SEC23B: variants seen among roughly 807,000 people sequenced by gnomAD.
SEC23B encodes protein transport protein Sec23B.
In SEC23B, 77 loss-of-function variants were observed where a neutral mutation model predicts 104.3. That is an observed-to-expected ratio of 0.74 (90% confidence interval 0.61 to 0.89). SEC23B has a LOEUF of 0.89. SEC23B is among the 40% of genes least tolerant of loss of function. SEC23B has a pLI of 0.00. For missense variants in SEC23B, 885 were observed against 949.4 expected, an observed-to-expected ratio of 0.93 and a Z score of 0.89; for synonymous variants, 338 against 332.5, an observed-to-expected ratio of 1.02 and a Z score of -0.18.
Position 18,526,424 on chromosome 20 carries a change from C to G in SEC23B, c.886C>G (p.Pro296Ala). The G allele has an allele frequency of 1.2e-6, 2 of 1,614,194 alleles. No homozygotes were observed. The highest frequency in any genetic ancestry group is 1.7e-6 in the Non-Finnish European group (2 of 1,180,030). The change falls in exon 8 of 20, where the codon CCT becomes GCT. Residue 296 changes from proline (P) to alanine (A), a missense_variant. Coordinates refer to ENST00000650089, the MANE Select transcript of SEC23B (RefSeq NM_006363.6). The stretch of plus-strand genomic sequence containing the variant: ...GATCATGCTGTTTACTGGAGGTCCC[C>G]CTACCCAAGGGCCTGGCATGGTGGT... ...ARIMLFTGGP[P>A]TQGPGMVVGD...
intron 12 of SEC23B, 70 bp downstream of exon 12, chr20:18,535,812 T>C: frequency 1.1e-5 from 13 of 1,194,818 alleles, no homozygotes; most frequent in East Asian, 2.3e-5. Context: ...AAACCAGTGG[T>C]CTCTGGTTAC....
chr20:18,545,932 T>G, intron 14 of SEC23B, 24 bp from the exon 15 acceptor site: 1 of 1,345,102 alleles, frequency 7.4e-7, no homozygotes, highest in Non-Finnish European at 1.1e-6. Flanking sequence ...TGTTTGTTTG[T>G]TTTTTGGTAT....
chr20:18,532,683 T>C lies in SEC23B; in HGVS notation c.1253T>C (p.Ile418Thr). 1 of 1,613,830 alleles carries C rather than the reference T, an allele frequency of 6.2e-7. No homozygotes were observed. The highest frequency in any genetic ancestry group is 8.5e-7 in the Non-Finnish European group (1 of 1,179,682). The change falls in exon 11 of 20, where the codon ATT becomes ACT. Residue 418 changes from isoleucine to threonine, a missense_variant. Physicochemically the swap from Ile to Thr is moderately conservative, Grantham distance 89. Coordinates refer to ENST00000650089, the MANE Select transcript of SEC23B (RefSeq NM_006363.6). Reference protein sequence around the residue: ...LDVKTSRELKIAGAIGPCVSL... With the variant: ...LDVKTSRELKTAGAIGPCVSL... ...TTATAGACCTCTCGGGAACTGAAGA[T>C]TGCAGGAGCCATTGGTCCATGCGTA... is the stretch of plus-strand genomic sequence containing the variant.
At chr20:18,532,284 A>G (rs948138584) in intron 10 of SEC23B, among the ~76,000 whole-genome samples, 1 of 152,230 alleles carries the variant, frequency 6.6e-6, no homozygotes, top group South Asian at 2.1e-4. Flanking sequence ...GCAACACAAA[A>G]CAGTATGTTC....
rs189559930 is a variant in SEC23B, at chr20:18,525,016, A to G, written c.685A>G (p.Ser229Gly). The G allele has an allele frequency of 6.8e-6, 11 of 1,614,112 alleles. No homozygotes were observed. The highest frequency in any genetic ancestry group is 9.3e-6 in the Non-Finnish European group (11 of 1,179,956). The change falls in exon 6 of 20, where the codon AGC (serine) becomes GGC (glycine). Residue 229 changes from serine (S) to glycine (G), a missense_variant. Physicochemically the swap from Ser to Gly is moderately conservative, Grantham distance 56. Coordinates refer to ENST00000650089, the MANE Select transcript of SEC23B (RefSeq NM_006363.6). ...AQPQEHPFASSRFLQPVHKID... is the reference protein window; with the variant it reads ...AQPQEHPFASGRFLQPVHKID... ...ACCACAGGAGCACCCTTTTGCTTCAAGCAGGTGAGAGCCCAACATGGAGTG... is the reference window on the plus strand; with the variant it reads ...ACCACAGGAGCACCCTTTTGCTTCAGGCAGGTGAGAGCCCAACATGGAGTG...
At chr20:18,519,498 T>A (rs1477293452) in intron 4 of SEC23B, among the ~76,000 whole-genome samples, 1 of 152,208 alleles carries the variant, frequency 6.6e-6, no homozygotes, top group Non-Finnish European at 1.5e-5. Flanking sequence ...ATGGCCAGCC[T>A]AAAACAGTAA....
chr20:18,507,731 AG>A (rs2059941879), upstream of SEC23B: 1 of 152,278 alleles, frequency 6.6e-6, no homozygotes, highest in Non-Finnish European at 1.5e-5. Flanking sequence ...ACGTGTTCCG[AG>A]GAACTCTCGT....
intron 9 of SEC23B, among the ~76,000 whole-genome samples, chr20:18,528,983 G>A (rs1030056252): frequency 2.0e-5 from 3 of 152,172 alleles, no homozygotes; most frequent in African/African-American, 7.2e-5. Context: ...CATATTCTTG[G>A]TTTCTTTGGT....
chr20:18,555,104 A>G lies in SEC23B; in HGVS notation c.2149-4A>G, dbSNP rs764090096. 6.2e-7 allele frequency: 1 copy of G among 1,612,636 alleles called. No individual in the cohort carries two copies. The highest frequency in any genetic ancestry group is 8.5e-7 in the Non-Finnish European group (1 of 1,178,722). ...AAATCTTTTTGTTGTTGTTGTTGTT[A>G]AAGGCTCGATTCCTTTTGTCCAAAG... On this transcript the variant is annotated splice_region_variant and splice_polypyrimidine_tract_variant and intron_variant, in intron 18 of 19. Transcript: ENST00000650089.
chr20:18,527,680 G>T, intron 9 of SEC23B, 69 bp downstream of exon 9: 1 of 1,062,992 alleles, frequency 9.4e-7, no homozygotes. Flanking sequence ...TAGTGATGGA[G>T]CCATAGGAAT....
intron 1 of SEC23B, among the ~76,000 whole-genome samples, chr20:18,509,428 G>A (rs1394343801): frequency 6.6e-6 from 1 of 152,150 alleles, no homozygotes; most frequent in African/African-American, 2.4e-5. Flanking sequence ...TCTTTAATTT[G>A]CCTTTTTACT....
chr20:18,550,270 T>C (rs2060375852), intron 16 of SEC23B, among the ~76,000 whole-genome samples: 1 of 152,052 alleles, frequency 6.6e-6, no homozygotes, highest in Non-Finnish European at 1.5e-5. Flanking sequence ...TCCTCCCACT[T>C]CAGCCTCCTG....
chr20:18,560,855 T>A lies in SEC23B; in HGVS notation c.*115T>A. The A allele has an allele frequency of 1.3e-6, 1 of 779,410 alleles. No individual in the cohort carries two copies. Among genetic ancestry groups the A allele is most frequent in the Admixed American group, 1.9e-5 (1 of 52,408 alleles). The allele number at this position is 779,410 out of a possible 1,614,324, so 48.3% of individuals were successfully genotyped here. On this transcript the variant is annotated 3_prime_UTR_variant, in exon 20 of 20. Coordinates refer to ENST00000650089, the MANE Select transcript of SEC23B (RefSeq NM_006363.6). ...AGATTTTAACAAATAATCAAGGACA[T>A]TTTATATGTAACTCTTTAGATTATA...
At chr20:18,526,144 G>C (rs1234403542) in intron 7 of SEC23B, among the ~76,000 whole-genome samples, 1 of 152,158 alleles carries the variant, frequency 6.6e-6, no homozygotes, top group Admixed American at 6.5e-5. Flanking sequence ...CTAAGAATTA[G>C]AGCAATAGGG....
chr20:18,524,348 C>G, intron 4 of SEC23B, 85 bp from the exon 5 acceptor site: 3 of 956,330 alleles, frequency 3.1e-6, no homozygotes, highest in Non-Finnish European at 3.4e-6. Flanking sequence ...TGAAGACTTA[C>G]AATTTTCATA....
intron 9 of SEC23B, among the ~76,000 whole-genome samples, chr20:18,529,139 T>A (rs1338446336): frequency 6.6e-6 from 1 of 152,196 alleles, no homozygotes; most frequent in Non-Finnish European, 1.5e-5. Context: ...TTGAAGTAGC[T>A]GGAAAAGATT....
upstream of SEC23B, chr20:18,507,727 TCCG>T (rs2059941805): frequency 1.3e-5 from 2 of 152,310 alleles, no homozygotes; most frequent in Admixed American, 1.3e-4. Context: ...GGAAACGTGT[TCCG>T]AGGAACTCTC....
chr20:18,523,946 G>A (rs772953077), intron 4 of SEC23B, among the ~76,000 whole-genome samples: 30 of 152,084 alleles, frequency 2.0e-4, no homozygotes, highest in Non-Finnish European at 3.1e-4. Context: ...GAACTCCTGT[G>A]CTTAAGCAAT....
intron 4 of SEC23B, among the ~76,000 whole-genome samples, chr20:18,518,193 G>A (rs949406747): frequency 1.3e-5 from 2 of 152,176 alleles, no homozygotes; most frequent in Non-Finnish European, 2.9e-5. Flanking sequence ...GCCAAACCAA[G>A]GAATTATGTC....
Sources: gnomAD v4.1 joint callset for allele counts (sites outside exome capture counted in the v4.1 genomes callset) on GRCh38, gnomAD v4.1.1 for gene constraint, MANE v1.5 for transcripts, NCBI Gene and HGNC (gene_info 2026-07-23, HGNC 2026-07-21) for gene names.